MAST4: variants seen among roughly 807,000 people sequenced by gnomAD.
MAST4 encodes microtubule-associated serine/threonine-protein kinase 4.
Under a neutral mutation model 162.7 loss-of-function variants are expected in MAST4, and 89 were observed. The observed-to-expected ratio is 0.55, with a 90% confidence interval of 0.46 to 0.65. The LOEUF is 0.65. Ranked by LOEUF, MAST4 falls within the 30% of genes least tolerant of loss-of-function variation. MAST4 has a pLI of 0.00. For missense variants in MAST4, 3,153 were observed against 3,374.0 expected (o/e 0.93, Z 1.62); for synonymous variants, 1,479 against 1,361.1 (o/e 1.09, Z -1.91).
intron 3 of MAST4, among the ~76,000 whole-genome samples, chr5:66,807,220 G>A (rs914908367): frequency 3.3e-5 from 5 of 152,318 alleles, no homozygotes; most frequent in South Asian, 2.1e-4. Flanking sequence ...CAATTGGCCG[G>A]GTGCGGTGGC....
intron 4 of MAST4, among the ~76,000 whole-genome samples, chr5:66,931,590 G>A (rs1192848569): frequency 2.6e-5 from 4 of 152,164 alleles, no homozygotes; most frequent in Non-Finnish European, 5.9e-5. Context: ...GATTGAGCTA[G>A]ACATTATGTT....
intron 1 of MAST4, among the ~76,000 whole-genome samples, chr5:66,733,308 C>T (rs560661049): frequency 3.3e-5 from 5 of 150,550 alleles, no homozygotes; most frequent in East Asian, 2.0e-4. Context: ...TTTCCCCTCC[C>T]TCTTCCCCCC....
intron 4 of MAST4, among the ~76,000 whole-genome samples, chr5:66,962,916 T>A (rs1404558202): frequency 6.6e-6 from 1 of 152,174 alleles, no homozygotes; most frequent in Admixed American, 6.5e-5. Flanking sequence ...TAAATTGTTG[T>A]ACTGTATCTA....
At chr5:66,950,499 A>C (rs1332168321) in intron 4 of MAST4, among the ~76,000 whole-genome samples, 1 of 152,156 alleles carries the variant, frequency 6.6e-6, no homozygotes, top group East Asian at 1.9e-4. Context: ...GACAAGCCAA[A>C]ATAGAGTAGT....
At chr5:67,002,619 T>C (rs1751420316) in intron 4 of MAST4, among the ~76,000 whole-genome samples, 1 of 152,182 alleles carries the variant, frequency 6.6e-6, no homozygotes, top group Non-Finnish European at 1.5e-5. Flanking sequence ...TTAGCTTCTG[T>C]ATACTGCCTA....
At chr5:67,085,121 T>C (rs1043139215) in intron 5 of MAST4, among the ~76,000 whole-genome samples, 2 of 152,206 alleles carry the variant, frequency 1.3e-5, no homozygotes, top group Non-Finnish European at 2.9e-5. Flanking sequence ...CTCACACTGA[T>C]GAACCATATT....
intron 4 of MAST4, among the ~76,000 whole-genome samples, chr5:67,036,060 C>T (rs1755983577): frequency 6.6e-6 from 1 of 152,110 alleles, no homozygotes; most frequent in Admixed American, 6.6e-5. Context: ...CATCCATTCC[C>T]TTTCCTGGGA....
chr5:66,608,210 C>T (rs570185516), intron 1 of MAST4, among the ~76,000 whole-genome samples: 1 of 151,846 alleles, frequency 6.6e-6, no homozygotes, highest in Non-Finnish European at 1.5e-5. Flanking sequence ...GGCGTGCCAC[C>T]ATGCCTGGCT....
intron 1 of MAST4, among the ~76,000 whole-genome samples, chr5:66,645,176 C>T (rs1220212424): frequency 1.3e-5 from 2 of 152,124 alleles, no homozygotes; most frequent in African/African-American, 4.8e-5. Flanking sequence ...CTAAACCAAA[C>T]TCTTTCATTT....
At chr5:66,691,540 C>T (rs1168085794) in intron 1 of MAST4, among the ~76,000 whole-genome samples, 1 of 152,144 alleles carries the variant, frequency 6.6e-6, no homozygotes, top group Non-Finnish European at 1.5e-5. Context: ...GACTTATAAA[C>T]AACAGAAAAT....
intron 2 of MAST4, among the ~76,000 whole-genome samples, chr5:66,780,146 C>A (rs1445773057): frequency 6.6e-6 from 1 of 152,184 alleles, no homozygotes; most frequent in Non-Finnish European, 1.5e-5. Context: ...GTACAACCAT[C>A]AGCACTATCC....
chr5:66,998,325 A>G (rs954450514), intron 4 of MAST4, among the ~76,000 whole-genome samples: 12 of 152,196 alleles, frequency 7.9e-5, no homozygotes, highest in Non-Finnish European at 1.8e-4. Context: ...ATCTAATGCA[A>G]TGATTAGTAG....
At chr5:66,905,379 TA>T (rs1370828039) in intron 4 of MAST4, among the ~76,000 whole-genome samples, 9 of 150,168 alleles carry the variant, frequency 6.0e-5, no homozygotes, top group Admixed American at 6.0e-4. Flanking sequence ...CCAGTATGTA[TA>T]GTAGTCCTGG....
chr5:66,601,245 C>A (rs953757537), intron 1 of MAST4, among the ~76,000 whole-genome samples: 13 of 152,112 alleles, frequency 8.5e-5, no homozygotes, highest in Non-Finnish European at 1.3e-4. Flanking sequence ...GTGCATAAAT[C>A]TTGGCATATT....
chr5:66,722,262 G>A (rs1362296678), intron 1 of MAST4, among the ~76,000 whole-genome samples: 2 of 152,016 alleles, frequency 1.3e-5, no homozygotes, highest in African/African-American at 2.4e-5. Flanking sequence ...TATGCTTTCC[G>A]TGTTTTTTAG....
intron 21 of MAST4, 97 bp from the exon 22 acceptor site, chr5:67,144,572 T>C (rs769650239): frequency 3.2e-6 from 4 of 1,244,288 alleles, no homozygotes; most frequent in Non-Finnish European, 4.6e-6. Flanking sequence ...GTTCAGAATT[T>C]AGTTATCCTC....
At chr5:66,689,249 T>C (rs536121928) in intron 1 of MAST4, among the ~76,000 whole-genome samples, 3 of 152,306 alleles carry the variant, frequency 2.0e-5, no homozygotes, top group Admixed American at 2.0e-4. Context: ...TCTAACCTGA[T>C]GTTGCTTTAT....
At position 67,162,691 on chromosome 5, in the gene MAST4, C is replaced by G; in HGVS notation, c.3870C>G (p.Ser1290=). ...TSRSFSCLNR[S]LSSGESLPGS... ...GAAGTTTCTCCTGCTTGAACAGATC[C>G]CTGTCATCGGGTGAGAGCCTCCCAG... is the stretch of plus-strand genomic sequence containing the variant. The change falls in exon 28 of 29, where the codon TCC becomes TCG. Residue 1290 remains serine, a synonymous_variant. Transcript: ENST00000403625. 6.2e-7 allele frequency: 1 copy of G among 1,613,866 alleles called. No individual in the cohort carries two copies. Among genetic ancestry groups the G allele is most frequent in the African/African-American group, 1.3e-5 (1 of 74,986 alleles).
At chr5:67,109,702 T>C (rs1053808673) in intron 10 of MAST4, among the ~76,000 whole-genome samples, 2 of 152,226 alleles carry the variant, frequency 1.3e-5, no homozygotes, top group African/African-American at 2.4e-5. Context: ...CCCTTCACTT[T>C]CTTAGCCATT....
Sources: allele counts gnomAD v4.1 joint callset (sites outside exome capture counted in the v4.1 genomes callset), GRCh38; gene constraint gnomAD v4.1.1; transcripts MANE v1.5; gene names NCBI Gene and HGNC (gene_info 2026-07-23, HGNC 2026-07-21).